PRKN: variants seen among roughly 807,000 people sequenced by gnomAD.
PRKN encodes the protein parkin RBR E3 ubiquitin protein ligase.
PRKN carries 56 observed loss-of-function variants against 59.5 expected under a neutral mutation model. The observed-to-expected ratio is 0.94, with a 90% confidence interval of 0.76 to 1.18. The LOEUF (loss-of-function observed/expected upper bound fraction) is 1.18, where lower values mean the gene tolerates loss of function less well. Ranked by LOEUF, PRKN falls within the 50% of genes most tolerant of loss-of-function variation. The pLI, the probability that PRKN is intolerant of heterozygous loss-of-function variation, is 0.00. For synonymous variants in PRKN, 250 were observed against 222.1 expected, an observed-to-expected ratio of 1.13 and a Z score of -1.12; for missense variants, 657 against 596.4, an observed-to-expected ratio of 1.10 and a Z score of -1.06.
chr6:162,569,956 A>G (rs1954813), intron 1 of PRKN, among the ~76,000 whole-genome samples: 34,152 of 152,174 alleles, frequency 0.22, 4,612 homozygotes, highest in African/African-American at 0.38. Flanking sequence ...ATAAAACCTC[A>G]GCTAGCCCTG....
intron 2 of PRKN, among the ~76,000 whole-genome samples, chr6:162,422,954 C>CAAAAAAAAAAAAAAAAAAAAAAAAACAA (rs61557917): frequency 1.5e-5 from 1 of 65,702 alleles, no homozygotes; most frequent in Non-Finnish European, 2.8e-5. Flanking sequence ...TCCAAGAGAC[C>CAAAAAAAAAAAAAAAAAAAAAAAAACAA]AAAAAAAAAA....
intron 5 of PRKN, among the ~76,000 whole-genome samples, chr6:162,030,439 C>A (rs932907944): frequency 6.6e-6 from 1 of 152,206 alleles, no homozygotes; most frequent in African/African-American, 2.4e-5. Flanking sequence ...CTTAATGTCA[C>A]TGTAACATGT....
At chr6:162,262,797 A>C in intron 2 of PRKN, 32 bp from the exon 3 acceptor site, 1 of 1,601,360 alleles carries the variant, frequency 6.2e-7, no homozygotes, top group Non-Finnish European at 8.5e-7. Flanking sequence ...AAAAAAAAAA[A>C]AAAAAAGGAA....
At chr6:162,519,820 T>G (rs1778014696) in intron 1 of PRKN, among the ~76,000 whole-genome samples, 1 of 152,214 alleles carries the variant, frequency 6.6e-6, no homozygotes, top group Non-Finnish European at 1.5e-5. Context: ...GATTTTACAT[T>G]GTTTTTGCTG....
At chr6:161,975,979 C>A (rs917705941) in intron 5 of PRKN, among the ~76,000 whole-genome samples, 2 of 152,074 alleles carry the variant, frequency 1.3e-5, no homozygotes, top group African/African-American at 4.8e-5. Flanking sequence ...AGTCTTGGCT[C>A]ACTGCAACCT....
chr6:162,235,269 T>G (rs1021561052), intron 3 of PRKN, among the ~76,000 whole-genome samples: 7 of 152,164 alleles, frequency 4.6e-5, no homozygotes, highest in Non-Finnish European at 1.5e-5. Flanking sequence ...GTGTAATAAT[T>G]ACATTGCCTT....
At chr6:162,418,610 G>A (rs543794258) in intron 2 of PRKN, among the ~76,000 whole-genome samples, 2 of 143,920 alleles carry the variant, frequency 1.4e-5, no homozygotes, top group Non-Finnish European at 3.0e-5. Flanking sequence ...GAGAGGGACA[G>A]ACAGTGTGTG....
At chr6:161,964,941 CAGCTAT>C in intron 6 of PRKN, among the ~76,000 whole-genome samples, 1 of 152,106 alleles carries the variant, frequency 6.6e-6, no homozygotes, top group Admixed American at 6.5e-5. Context: ...AACAGAATGC[CAGCTAT>C]AGCCAGAATT....
chr6:161,765,047 T>C (rs1010785229), intron 7 of PRKN, among the ~76,000 whole-genome samples: 3 of 152,246 alleles, frequency 2.0e-5, no homozygotes, highest in African/African-American at 7.2e-5. Context: ...AAATATGTAA[T>C]TGGGTAATTT....
Position 162,054,187 on chromosome 6 carries a change from A to C in PRKN, c.535-13T>G, listed in dbSNP as rs970996521. On this transcript the variant is annotated splice_polypyrimidine_tract_variant and intron_variant, in intron 4 of 11. Transcript: ENST00000366898. ...AGCAAGATGGACCCTTTGGGAAAAA[A>C]CAACAATATATGCTTATATGAGTTA... 4.0e-6 allele frequency: 6 copies of C among 1,514,592 alleles called. No individual in the cohort carries two copies. In the African/African-American group the frequency reaches 5.5e-5, roughly 14 times the overall value. The allele number at this position is 1,514,592 out of a possible 1,614,324, so 93.8% of individuals were successfully genotyped here.
At chr6:162,101,728 T>C (rs1336395561) in intron 4 of PRKN, among the ~76,000 whole-genome samples, 1 of 152,084 alleles carries the variant, frequency 6.6e-6, no homozygotes, top group African/African-American at 2.4e-5. Flanking sequence ...GATCTAGAGA[T>C]ACTATAACTC....
chr6:162,704,796 A>C (rs1418093310), intron 1 of PRKN, among the ~76,000 whole-genome samples: 1 of 152,200 alleles, frequency 6.6e-6, no homozygotes, highest in Non-Finnish European at 1.5e-5. Context: ...AACACACAGC[A>C]GGTGTGCCCG....
At chr6:162,333,748 T>A (rs188719813) in intron 2 of PRKN, among the ~76,000 whole-genome samples, 161 of 149,376 alleles carry the variant, frequency 1.1e-3, no homozygotes, top group African/African-American at 3.7e-3. Context: ...CAGAGTTGCA[T>A]GTCTCTCACT....
At chr6:162,120,838 GT>G (rs1277122079) in intron 4 of PRKN, among the ~76,000 whole-genome samples, 1 of 152,148 alleles carries the variant, frequency 6.6e-6, no homozygotes, top group Non-Finnish European at 1.5e-5. Context: ...AAAAAGGCAA[GT>G]CTCATCTACT....
At chr6:161,721,266 A>C (rs761729018) in intron 7 of PRKN, among the ~76,000 whole-genome samples, 3 of 152,244 alleles carry the variant, frequency 2.0e-5, no homozygotes, top group Non-Finnish European at 2.9e-5. Flanking sequence ...TGATTTGTAA[A>C]AGTCAATTTC....
intron 1 of PRKN, among the ~76,000 whole-genome samples, chr6:162,657,042 G>A (rs550682351): frequency 1.8e-4 from 28 of 152,240 alleles, no homozygotes; most frequent in Admixed American, 1.6e-3. Context: ...TAATTTTACT[G>A]ACCCTTGAGG....
intron 5 of PRKN, among the ~76,000 whole-genome samples, chr6:162,033,948 T>C (rs955833763): frequency 6.6e-6 from 1 of 152,110 alleles, no homozygotes; most frequent in African/African-American, 2.4e-5. Flanking sequence ...CATAGCCCTA[T>C]GAAATATTAT....
At chr6:162,572,552 G>A (rs998440190) in intron 1 of PRKN, among the ~76,000 whole-genome samples, 11 of 152,144 alleles carry the variant, frequency 7.2e-5, no homozygotes, top group Non-Finnish European at 1.2e-4. Flanking sequence ...TCTGTCACTA[G>A]AGAGAGCAAA....
At chr6:161,382,212 G>A (rs558090844) in intron 10 of PRKN, among the ~76,000 whole-genome samples, 1 of 151,748 alleles carries the variant, frequency 6.6e-6, no homozygotes, top group South Asian at 2.1e-4. Context: ...GATATTTCAA[G>A]TGACGAATGT....
Sources: allele counts gnomAD v4.1 joint callset (sites outside exome capture counted in the v4.1 genomes callset), GRCh38; gene constraint gnomAD v4.1.1; transcripts MANE v1.5; gene names NCBI Gene and HGNC (gene_info 2026-07-23, HGNC 2026-07-21).